PREX1: variants seen among roughly 807,000 people sequenced by gnomAD.
PREX1 encodes the protein phosphatidylinositol-3,4,5-trisphosphate dependent Rac exchange factor 1, also known as phosphatidylinositol 3,4,5-trisphosphate-dependent Rac exchanger 1 protein.
PREX1 carries 41 observed loss-of-function variants against 198.3 expected under a neutral mutation model. That is an observed-to-expected ratio of 0.21 (90% CI 0.16 to 0.27). PREX1 has a LOEUF of 0.27. PREX1 is among the 10% of genes least tolerant of loss of function. The probability of loss-of-function intolerance (pLI) is 1.00; values close to 1 mark genes in which losing one functional copy is unlikely to be tolerated. For missense variants in PREX1, 1,620 were observed against 2,200.7 expected (o/e 0.74, Z 5.28); for synonymous variants, 843 against 887.2 (o/e 0.95, Z 0.89).
At chr20:48,870,528 T>A in the PREX1 span, among the ~76,000 whole-genome samples, 8 of 152,228 alleles carry the variant, frequency 5.3e-5, no homozygotes, top group Admixed American at 5.2e-4. Context: ...GGAGCCTTTG[T>A]CCGTTCAAAA....
chr20:48,730,445 A>G lies in PREX1; in HGVS notation c.520-4054T>C, dbSNP rs571164106. On this transcript the variant is annotated intron_variant, in intron 4 of 39. Coordinates refer to ENST00000371941, the MANE Select transcript of PREX1 (RefSeq NM_020820.4). ...CACACACACACACACACACACACAC[A>G]CACGCACATCCTGAATGATGCCGTT... Among the ~76,000 whole-genome samples the G allele has an allele frequency of 2.9e-3, 435 of 150,948 alleles. 1 individual carries two copies. The highest frequency in any genetic ancestry group is 6.7e-3 in the Admixed American group (100 of 14,992).
chr20:48,727,061 G>A (rs377732578), intron 4 of PREX1, among the ~76,000 whole-genome samples: 16 of 152,318 alleles, frequency 1.1e-4, no homozygotes, highest in Middle Eastern at 3.4e-3. Flanking sequence ...AAAACTATGC[G>A]CTGTTTATGG....
intron 1 of PREX1, among the ~76,000 whole-genome samples, chr20:48,818,303 A>C (rs1236733320): frequency 6.6e-6 from 1 of 152,230 alleles, no homozygotes; most frequent in East Asian, 1.9e-4. Context: ...GTACAGTTTG[A>C]AAGGGTGAGG....
At chr20:48,671,859 T>C (rs185102140) in intron 14 of PREX1, among the ~76,000 whole-genome samples, 1 of 152,358 alleles carries the variant, frequency 6.6e-6, no homozygotes, top group East Asian at 1.9e-4. Flanking sequence ...ACCCACCCTG[T>C]GTCCCCACAC....
Position 48,700,756 on chromosome 20 carries a change from G to A in PREX1, c.914C>T (p.Ser305Phe). 2 of 1,613,020 alleles carry A rather than the reference G, an allele frequency of 1.2e-6. No homozygotes were observed. Among genetic ancestry groups the A allele is most frequent in the Non-Finnish European group, 1.7e-6 (2 of 1,180,018 alleles). Residue 305 changes from serine to phenylalanine, a missense_variant, in exon 7 of 40, where the codon TCC (serine) becomes TTC (phenylalanine). This residue lies in a region of PREX1 where 488 missense variants were observed against 802.5 expected (regional missense o/e 0.61). Transcript: ENST00000371941. ...DNLLVYCKRK[S>F]RVTGSKKSTK... Reference sequence around the variant, plus strand: ...TCCCAGCCTCCTGGCCACTCACCTGGATTTCCGCTTGCAGTAGACGAGAAG... The same window carrying A: ...TCCCAGCCTCCTGGCCACTCACCTGAATTTCCGCTTGCAGTAGACGAGAAG...
chr20:48,738,918 G>C (rs2090069028), intron 3 of PREX1, among the ~76,000 whole-genome samples: 1 of 152,142 alleles, frequency 6.6e-6, no homozygotes, highest in Admixed American at 6.5e-5. Context: ...AGAGAAGTGA[G>C]AATCAGGTCT....
Position 48,649,566 on chromosome 20 carries a change from G to A in PREX1, c.3039C>T (p.Asn1013=), listed in dbSNP as rs113202277. The A allele has an allele frequency of 1.7e-4, 264 of 1,595,804 alleles. No homozygotes were observed. Among genetic ancestry groups the A allele is most frequent in the Non-Finnish European group, 2.1e-4 (250 of 1,170,214 alleles). The change falls in exon 25 of 40, where the codon AAC becomes AAT. Residue 1013 remains asparagine, a synonymous_variant. Transcript: ENST00000371941. ...TGCAGTGCTGGGTGTACGACATGGG[G>A]TTCAGGTGGCCTGCAGTGGAGGAAG... ...IGLDPEQGHL[N]PMSYTQHCIT... is the part of the protein sequence containing the mutation.
intron 15 of PREX1, among the ~76,000 whole-genome samples, chr20:48,664,831 T>C (rs2089624241): frequency 7.0e-6 from 1 of 143,410 alleles, no homozygotes; most frequent in Non-Finnish European, 1.5e-5. Flanking sequence ...CCAGACGGCC[T>C]GAATTCTAAT....
chr20:48,740,307 C>T (rs879718447), intron 3 of PREX1, among the ~76,000 whole-genome samples: 3 of 152,224 alleles, frequency 2.0e-5, no homozygotes, highest in Non-Finnish European at 4.4e-5. Context: ...GAGACAGAGA[C>T]ACCCCTTACC....
At chr20:48,686,517 C>T (rs972087387) in intron 10 of PREX1, among the ~76,000 whole-genome samples, 2 of 152,220 alleles carry the variant, frequency 1.3e-5, no homozygotes, top group Admixed American at 6.5e-5. Context: ...GCTGCCTCAT[C>T]GGTCCGGACT....
At chr20:48,663,873 T>A (rs2089614695) in intron 15 of PREX1, among the ~76,000 whole-genome samples, 1 of 151,824 alleles carries the variant, frequency 6.6e-6, no homozygotes, top group Non-Finnish European at 1.5e-5. Context: ...ACACACCACA[T>A]GCACATGTGT....
chr20:48,653,964 G>A (rs2089522435), intron 19 of PREX1, among the ~76,000 whole-genome samples: 1 of 152,244 alleles, frequency 6.6e-6, no homozygotes, highest in African/African-American at 2.4e-5. Flanking sequence ...CGTAGGTCTT[G>A]AACCCAGGGT....
At chr20:48,667,790 T>A (rs1364291473) in intron 14 of PREX1, among the ~76,000 whole-genome samples, 1 of 152,178 alleles carries the variant, frequency 6.6e-6, no homozygotes, top group African/African-American at 2.4e-5. Context: ...CCAGGTGGGA[T>A]GTCATCTTGG....
intron 19 of PREX1, among the ~76,000 whole-genome samples, chr20:48,653,980 T>C (rs190358101): frequency 1.7e-4 from 26 of 152,358 alleles, no homozygotes; most frequent in African/African-American, 5.8e-4. Context: ...AGGGTTTTTT[T>C]TGTAGTTCAT....
At chr20:48,637,968 C>T (rs1041038395) in intron 30 of PREX1, among the ~76,000 whole-genome samples, 7 of 152,152 alleles carry the variant, frequency 4.6e-5, no homozygotes, top group African/African-American at 1.7e-4. Flanking sequence ...AACTGTGAGC[C>T]CCATCTGTAC....
Position 48,636,623 on chromosome 20 carries a change from C to T in PREX1, c.4007G>A (p.Cys1336Tyr). 4 of 1,611,510 alleles carry T rather than the reference C, an allele frequency of 2.5e-6. No individual in the cohort carries two copies. Among genetic ancestry groups the T allele is most frequent in the Non-Finnish European group, 3.4e-6 (4 of 1,179,510 alleles). ...CGCCAGCAGCTGCTTGGAGAAGGTG[C>T]ACACGGCGGCCACCAGGGCCTGGCA... Reference protein sequence around the residue: ...IFCQALVAAVCTFSKQLLAAL... With the variant: ...IFCQALVAAVYTFSKQLLAAL... Residue 1336 changes from cysteine (C) to tyrosine (Y), a missense_variant, in exon 32 of 40, where the codon TGC (cysteine) becomes TAC (tyrosine). Cys to Tyr is a radical substitution (Grantham distance 194). Coordinates refer to ENST00000371941, the MANE Select transcript of PREX1 (RefSeq NM_020820.4).
intron 25 of PREX1, among the ~76,000 whole-genome samples, chr20:48,647,366 C>A (rs990276703): frequency 1.8e-4 from 27 of 151,828 alleles, no homozygotes; most frequent in South Asian, 1.7e-3. Context: ...ACTAAAAATA[C>A]AAAAATTAGC....
chr20:48,699,443 C>G lies in PREX1; in HGVS notation c.917+1310G>C, dbSNP rs1386489699. 2.6e-5 allele frequency among the ~76,000 whole-genome samples: 4 copies of G among 152,096 alleles called. No homozygotes were observed. The East Asian group carries it at 7.7e-4, about 29-fold the overall frequency. On this transcript the variant is annotated intron_variant, in intron 7 of 39. Coordinates refer to ENST00000371941, the MANE Select transcript of PREX1 (RefSeq NM_020820.4). ...AGGTCAGGAATCTCTCTGTGCCAAT[C>G]CACCCACCCACCCATGCATCCAACC...
intron 5 of PREX1, 110 bp downstream of exon 5, chr20:48,726,180 G>A (rs536588845): frequency 7.0e-6 from 6 of 861,422 alleles, no homozygotes; most frequent in East Asian, 2.7e-5. Context: ...AATCCAGCCC[G>A]GCCCAAAGCT....
Sources: allele counts gnomAD v4.1 joint callset (sites outside exome capture counted in the v4.1 genomes callset), GRCh38; gene constraint gnomAD v4.1.1; regional missense constraint gnomAD v4.1.1; transcripts MANE v1.5; gene names NCBI Gene and HGNC (gene_info 2026-07-23, HGNC 2026-07-21).